Variants in GLIS3 observed in about 807,000 individuals in gnomAD.
The protein encoded by GLIS3 is zinc finger protein GLIS3.
Under a neutral mutation model 78.6 loss-of-function variants are expected in GLIS3, and 53 were observed. That is an observed-to-expected ratio of 0.67 (90% CI 0.54 to 0.85). GLIS3 has a LOEUF of 0.85. Ranked by LOEUF, GLIS3 falls within the 40% of genes least tolerant of loss-of-function variation. The probability of loss-of-function intolerance (pLI) is 0.00; values close to 1 mark genes in which losing one functional copy is unlikely to be tolerated. For synonymous variants in GLIS3, 684 were observed against 509.9 expected (o/e 1.34, Z -4.60); for missense variants, 1,703 against 1,231.1 (o/e 1.38, Z -5.74).
intron 2 of GLIS3, among the ~76,000 whole-genome samples, chr9:4,270,033 G>C (rs1297931383): frequency 1.3e-5 from 2 of 152,220 alleles, no homozygotes; most frequent in South Asian, 2.1e-4. Context: ...CCAGTGCTCT[G>C]CAGTAAGACA....
chr9:4,386,368 TTTTTCTTCA>T, the GLIS3 span: 1 of 136,814 alleles, frequency 7.3e-6, no homozygotes, highest in African/African-American at 2.8e-5. Context: ...TTTTTATTAG[TTTTTCTTCA>T]TTTTCTTTTC....
chr9:3,892,249 A>T (rs1291449300), intron 7 of GLIS3, among the ~76,000 whole-genome samples: 1 of 149,856 alleles, frequency 6.7e-6, no homozygotes, highest in Non-Finnish European at 1.5e-5. Flanking sequence ...GAAGCAAGGC[A>T]AAAAAAAAGC....
At chr9:4,046,089 G>A (rs960700822) in intron 4 of GLIS3, among the ~76,000 whole-genome samples, 12 of 152,194 alleles carry the variant, frequency 7.9e-5, no homozygotes, top group Non-Finnish European at 1.5e-4. Context: ...CATTTATATT[G>A]CTGTACCAAA....
intron 2 of GLIS3, among the ~76,000 whole-genome samples, chr9:4,250,772 C>G (rs908778955): frequency 3.9e-5 from 6 of 152,218 alleles, no homozygotes; most frequent in Non-Finnish European, 7.3e-5. Context: ...TCCCTCTAAA[C>G]ACTGCTTTAG....
At chr9:4,052,133 G>C (rs1338466693) in intron 4 of GLIS3, among the ~76,000 whole-genome samples, 3 of 152,030 alleles carry the variant, frequency 2.0e-5, no homozygotes. Flanking sequence ...GTTATATTTT[G>C]GTAAGTCCAT....
chr9:4,460,766 C>T, the GLIS3 span, among the ~76,000 whole-genome samples: 1 of 152,140 alleles, frequency 6.6e-6, no homozygotes, highest in African/African-American at 2.4e-5. Context: ...TGTCTGCATG[C>T]TGTGGGGATT....
At chr9:4,474,985 A>ATTTTTTTTTTTT in the GLIS3 span, among the ~76,000 whole-genome samples, 43 of 114,510 alleles carry the variant, frequency 3.8e-4, 2 homozygotes, top group African/African-American at 8.0e-4. Flanking sequence ...GACTATGTTA[A>ATTTTTTTTTTTT]TTTTTTTTTC....
intron 3 of GLIS3, among the ~76,000 whole-genome samples, chr9:4,122,707 A>C (rs951790453): frequency 6.6e-6 from 1 of 152,200 alleles, no homozygotes; most frequent in Non-Finnish European, 1.5e-5. Flanking sequence ...ACACTAGAAA[A>C]GCTAAGTATG....
At chr9:4,343,685 C>T (rs190968387) in intron 2 of GLIS3, among the ~76,000 whole-genome samples, 4 of 152,000 alleles carry the variant, frequency 2.6e-5, no homozygotes, top group African/African-American at 7.3e-5. Context: ...AACGGTGGAC[C>T]GGATAAAGAA....
In GLIS3 at chr9:4,108,996, G is replaced by A. The variant is rs111885020; in HGVS notation, c.1710+8772C>T. On this transcript the variant is annotated intron_variant, in intron 4 of 10. Transcript: ENST00000381971. ...GTCTTCCTTTCATGCTGCCTTCCCC[G>A]GTCTAGAGAGACATGGGGTTCTATG... Among the ~76,000 whole-genome samples, 1,176 of 152,198 alleles carry A rather than the reference G, an allele frequency of 7.7e-3. 8 individuals carry two copies. Among genetic ancestry groups the A allele is most frequent in the Non-Finnish European group, 0.012 (787 of 67,998 alleles).
At chr9:4,304,366 A>G (rs1587373116), upstream of GLIS3, among the ~76,000 whole-genome samples, 1 of 152,186 alleles carries the variant, frequency 6.6e-6, no homozygotes, top group African/African-American at 2.4e-5. Flanking sequence ...GCTTTTTATT[A>G]TAAACTGAAG....
At chr9:4,348,851 G>A (rs1013007540), upstream of GLIS3, among the ~76,000 whole-genome samples, 2 of 152,054 alleles carry the variant, frequency 1.3e-5, no homozygotes, top group African/African-American at 2.4e-5. Context: ...TAGAAAATAC[G>A]GAAATTATAA....
At chr9:4,196,431 C>T (rs969353322) in intron 2 of GLIS3, among the ~76,000 whole-genome samples, 23 of 152,358 alleles carry the variant, frequency 1.5e-4, no homozygotes, top group African/African-American at 3.8e-4. Context: ...TTTGTTCTTT[C>T]GCTCTTTGCG....
At chr9:4,476,131 TTC>T in the GLIS3 span, among the ~76,000 whole-genome samples, 4 of 152,190 alleles carry the variant, frequency 2.6e-5, no homozygotes, top group African/African-American at 9.7e-5. Flanking sequence ...AAAAACCAGT[TTC>T]TGACATTTGA....
intron 6 of GLIS3, among the ~76,000 whole-genome samples, chr9:3,918,288 C>G (rs941223667): frequency 2.3e-4 from 35 of 152,170 alleles, no homozygotes; most frequent in Admixed American, 6.6e-4. Flanking sequence ...AACAAGAACT[C>G]CACCTTGAGA....
At chr9:4,272,519 C>T (rs1028613631) in intron 2 of GLIS3, among the ~76,000 whole-genome samples, 23 of 152,036 alleles carry the variant, frequency 1.5e-4, no homozygotes, top group African/African-American at 5.6e-4. Flanking sequence ...TCCCAAGCCT[C>T]TCTGTTCTCT....
At chr9:4,230,763 A>G (rs1036213120) in intron 2 of GLIS3, among the ~76,000 whole-genome samples, 6 of 152,246 alleles carry the variant, frequency 3.9e-5, no homozygotes, top group African/African-American at 9.6e-5. Flanking sequence ...TAAAAAGCAA[A>G]TATCTCTCAA....
intron 2 of GLIS3, among the ~76,000 whole-genome samples, chr9:4,218,042 C>T (rs564211950): frequency 6.6e-6 from 1 of 152,320 alleles, no homozygotes; most frequent in East Asian, 1.9e-4. Context: ...AAAGAGATAG[C>T]ATAATATGTC....
chr9:4,409,601 TAAAC>T, the GLIS3 span, among the ~76,000 whole-genome samples: 120 of 152,154 alleles, frequency 7.9e-4, no homozygotes, highest in Non-Finnish European at 1.4e-3. Flanking sequence ...GGTGATGTCA[TAAAC>T]AAAGATAATT....
Sources: gnomAD v4.1 joint callset for allele counts (sites outside exome capture counted in the v4.1 genomes callset) on GRCh38, gnomAD v4.1.1 for gene constraint, MANE v1.5 for transcripts, NCBI Gene and HGNC (gene_info 2026-07-23, HGNC 2026-07-21) for gene names.